AATK: variants seen among roughly 807,000 people sequenced by gnomAD.
AATK encodes serine/threonine-protein kinase LMTK1.
AATK carries 91 observed loss-of-function variants against 114.3 expected under a neutral mutation model. That is an observed-to-expected ratio of 0.80 (90% CI 0.67 to 0.95). AATK has a LOEUF of 0.95. Among genes scored for constraint, AATK ranks in the 40% least tolerant of loss-of-function variants. The pLI is 0.00. For synonymous variants in AATK, 1,075 were observed against 916.5 expected, an observed-to-expected ratio of 1.17 and a Z score of -3.12; for missense variants, 2,176 against 1,965.2, an observed-to-expected ratio of 1.11 and a Z score of -2.03.
intron 3 of AATK, among the ~76,000 whole-genome samples, chr17:81,130,830 C>A (rs935948730): frequency 6.6e-6 from 1 of 152,222 alleles, no homozygotes; most frequent in Non-Finnish European, 1.5e-5. Flanking sequence ...AACCCCTGGC[C>A]GGCCCCCAGG....
chr17:81,119,627 C>T (rs62073018), intron 12 of AATK, 47 bp from the exon 13 acceptor site: 792,276 of 1,508,106 alleles, frequency 0.53, 212,629 homozygotes, highest in East Asian at 0.66. Flanking sequence ...CCTGGGACCC[C>T]GGCCCGGCCC....
At chr17:81,130,989 C>T in intron 3 of AATK, 72 bp downstream of exon 3, 1 of 1,509,266 alleles carries the variant, frequency 6.6e-7, no homozygotes, top group Non-Finnish European at 8.8e-7. Flanking sequence ...TTCCGGTCTC[C>T]CCAGATCACA....
chr17:81,140,465 G>C (rs934771263), intron 1 of AATK, among the ~76,000 whole-genome samples: 1 of 152,318 alleles, frequency 6.6e-6, no homozygotes, highest in African/African-American at 2.4e-5. Context: ...CCCGATCCTC[G>C]AAACTTGAGA....
chr17:81,160,515 C>A (rs998335570), intron 1 of AATK, among the ~76,000 whole-genome samples: 4 of 152,242 alleles, frequency 2.6e-5, no homozygotes, highest in Admixed American at 6.5e-5. Flanking sequence ...GCCGGTCCCG[C>A]GGGCGCTTGT....
chr17:81,119,258 G>T, intron 13 of AATK, 122 bp downstream of exon 13: 1 of 1,020,296 alleles, frequency 9.8e-7, no homozygotes, highest in Non-Finnish European at 1.3e-6. Context: ...GGCCGGGAAG[G>T]AGCGGAGCGG....
At chr17:81,145,733 C>CAA (rs11332251) in intron 1 of AATK, among the ~76,000 whole-genome samples, 7 of 71,122 alleles carry the variant, frequency 9.8e-5, no homozygotes, top group East Asian at 4.2e-4. Context: ...AACTCCATCT[C>CAA]AAAAAAAAAA....
chr17:81,140,931 G>C (rs1197629166), intron 1 of AATK, among the ~76,000 whole-genome samples: 1 of 109,910 alleles, frequency 9.1e-6, no homozygotes, highest in Non-Finnish European at 2.1e-5. Flanking sequence ...GGGACCGTGG[G>C]ACCATGGGGC....
chr17:81,125,273 G>T, intron 7 of AATK: 2 of 754,088 alleles, frequency 2.7e-6, no homozygotes, highest in Non-Finnish European at 5.0e-6. Flanking sequence ...AAATGTTACA[G>T]TGCAGAGGAG....
In AATK at chr17:81,126,892, C is replaced by T. The variant is rs1259279633; in HGVS notation, c.622-332G>A. Reference sequence around the variant, plus strand: ...TCTGGGGCTGGTGGTCGAGGGTTGGCCGGCAGCCCCTGACCTGCCGAAAGC... The same window carrying T: ...TCTGGGGCTGGTGGTCGAGGGTTGGTCGGCAGCCCCTGACCTGCCGAAAGC... On this transcript the variant is annotated intron_variant, in intron 6 of 13. Coordinates refer to ENST00000326724, the MANE Select transcript of AATK (RefSeq NM_001080395.3). The surrounding 1 kb of genome is among the most constrained non-coding windows in gnomAD (Gnocchi z 5.1). 3.5e-6 allele frequency: 4 copies of T among 1,137,686 alleles called. No homozygotes were observed. The highest frequency in any genetic ancestry group is 4.4e-6 in the Non-Finnish European group (4 of 919,428). The allele number at this position is 1,137,686 out of a possible 1,614,324, so 70.5% of individuals were successfully genotyped here.
rs576201718 is a variant in AATK at position 81,160,559 on chromosome 17, G to A, written c.55+5379C>T. On this transcript the variant is annotated intron_variant, in intron 1 of 13. Coordinates refer to ENST00000326724, the MANE Select transcript of AATK (RefSeq NM_001080395.3). ...GAAAGGCAGGGCAAGGCCCAGGGGG[G>A]CCCAGACGCCAAAGCCCTCCTGTCA... Among the ~76,000 whole-genome samples the A allele has an allele frequency of 3.9e-5, 6 of 152,370 alleles. No individual in the cohort carries two copies. In the South Asian group the frequency reaches 8.3e-4, roughly 21 times the overall value.
Position 81,121,384 on chromosome 17 carries a change from G to A in AATK, c.2552C>T (p.Pro851Leu), listed in dbSNP as rs2060697792. The A allele has an allele frequency of 1.2e-6, 2 of 1,610,064 alleles. No individual in the cohort carries two copies. The highest frequency in any genetic ancestry group is 1.1e-5 in the South Asian group (1 of 90,670). Residue 851 changes from proline to leucine, a missense_variant, in exon 11 of 14, where the codon CCC becomes CTC. Pro to Leu is a moderately conservative substitution (Grantham distance 98). Transcript: ENST00000326724. ...CTCACTGCTGGGTGCCTCCACCTCG[G>A]GAGAGCTGCTGCTGCCATTCAGGGC... ...ASALNGSSSS[P>L]EVEAPSSEDE... is the part of the protein sequence containing the mutation.
intron 1 of AATK, among the ~76,000 whole-genome samples, chr17:81,141,951 C>T (rs925166227): frequency 3.1e-5 from 4 of 130,126 alleles, no homozygotes; most frequent in African/African-American, 1.0e-4. Context: ...TTCCTTCCTT[C>T]CTTTCCTTCC....
At chr17:81,128,020 C>A in intron 4 of AATK, 110 bp from the exon 5 acceptor site, 1 of 1,333,926 alleles carries the variant, frequency 7.5e-7, no homozygotes, top group Non-Finnish European at 1.0e-6. Context: ...CAGGACACTT[C>A]TCCTCCTGTG....
intron 1 of AATK, among the ~76,000 whole-genome samples, chr17:81,145,884 T>G (rs1345382497): frequency 6.6e-6 from 1 of 151,770 alleles, no homozygotes; most frequent in African/African-American, 2.4e-5. Context: ...AACAAATACG[T>G]TAAGACCCCA....
At position 81,156,086 on chromosome 17, in the gene AATK, GTA is replaced by G. The variant is rs2061358345; in HGVS notation, c.55+9850_55+9851del. Among the ~76,000 whole-genome samples the G allele has an allele frequency of 2.9e-5, 4 of 139,192 alleles. No homozygotes were observed. In the South Asian group the frequency reaches 8.9e-4, roughly 31 times the overall value. The allele number at this position is 139,192 out of a possible 152,430, so 91.3% of individuals were successfully genotyped here. On this transcript the variant is annotated intron_variant, in intron 1 of 13. Transcript: ENST00000326724. ...ATAATGTATGTTACTATGTTACAATGTATGTTACAATGTATGTTACAATGTAT... is the reference window on the plus strand; with the variant it reads ...ATAATGTATGTTACTATGTTACAATGTGTTACAATGTATGTTACAATGTAT...
chr17:81,144,057 T>C (rs371433984), intron 1 of AATK, among the ~76,000 whole-genome samples: 75 of 152,032 alleles, frequency 4.9e-4, no homozygotes, highest in African/African-American at 1.4e-3. Context: ...GGTGTGGCTC[T>C]CTGCCCCCAC....
At chr17:81,150,699 G>C (rs2061283782) in intron 1 of AATK, among the ~76,000 whole-genome samples, 1 of 152,222 alleles carries the variant, frequency 6.6e-6, no homozygotes, top group Non-Finnish European at 1.5e-5. Context: ...GCGGCACAAG[G>C]GGTGCTCAGC....
chr17:81,129,816 G>A (rs2060902237), intron 3 of AATK, among the ~76,000 whole-genome samples: 1 of 152,192 alleles, frequency 6.6e-6, no homozygotes, highest in African/African-American at 2.4e-5. Context: ...AGCCATCCGG[G>A]AAGGTCCGAG....
chr17:81,124,287 C>T (rs1169109559), intron 9 of AATK, among the ~76,000 whole-genome samples: 1 of 152,186 alleles, frequency 6.6e-6, no homozygotes, highest in Non-Finnish European at 1.5e-5. Flanking sequence ...TGAATGAACG[C>T]TCCGGGCTAG....
Sources: gnomAD v4.1 joint callset for allele counts (sites outside exome capture counted in the v4.1 genomes callset) on GRCh38, gnomAD v4.1.1 for gene constraint, Gnocchi (gnomAD v3.1) non-coding constraint, MANE v1.5 for transcripts, NCBI Gene and HGNC (gene_info 2026-07-23, HGNC 2026-07-21) for gene names.